The following OXR1 variants were observed in gnomAD, a reference collection of about 807,000 sequenced individuals.
OXR1 encodes the protein oxidation resistance 1.
A neutral mutation model predicts 104.6 loss-of-function variants in OXR1; 41 were observed. The observed-to-expected ratio is 0.39, with a 90% CI of 0.31 to 0.51. OXR1 has a LOEUF of 0.51. OXR1 is among the 20% of genes least tolerant of loss of function. OXR1 has a pLI of 0.77. For missense variants in OXR1, 955 were observed against 1,031.9 expected (o/e 0.93, Z 1.02); for synonymous variants, 348 against 348.4 (o/e 1.00, Z 0.01).
intron 3 of OXR1, among the ~76,000 whole-genome samples, chr8:106,591,694 A>G (rs969984363): frequency 1.3e-5 from 2 of 151,866 alleles, no homozygotes; most frequent in African/African-American, 2.4e-5. Flanking sequence ...TACCCACCCA[A>G]TTATTGGGGG....
intron 3 of OXR1, among the ~76,000 whole-genome samples, chr8:106,586,531 G>C (rs766729838): frequency 6.6e-6 from 1 of 152,164 alleles, no homozygotes; most frequent in African/African-American, 2.4e-5. Flanking sequence ...AAACTAGCTG[G>C]CTATTTGAAT....
chr8:106,430,434 C>A (rs919051452), intron 2 of OXR1, among the ~76,000 whole-genome samples: 2 of 152,100 alleles, frequency 1.3e-5, no homozygotes, highest in African/African-American at 4.8e-5. Context: ...TTAACAGCTG[C>A]CTCAGGAAGA....
chr8:106,531,313 A>G (rs1159380944), intron 3 of OXR1, among the ~76,000 whole-genome samples: 1 of 152,216 alleles, frequency 6.6e-6, no homozygotes, highest in African/African-American at 2.4e-5. Context: ...AAACCCTCTT[A>G]GTATGAGAAA....
At chr8:106,338,231 A>G (rs1180743668) in intron 1 of OXR1, among the ~76,000 whole-genome samples, 1 of 152,104 alleles carries the variant, frequency 6.6e-6, no homozygotes, top group Non-Finnish European at 1.5e-5. Context: ...ATTCTATTCT[A>G]TCCGAATCAG....
At chr8:106,620,006 A>G (rs1017004632) in intron 3 of OXR1, among the ~76,000 whole-genome samples, 1 of 152,128 alleles carries the variant, frequency 6.6e-6, no homozygotes, top group Non-Finnish European at 1.5e-5. Context: ...CTACAAGTGG[A>G]TCTGCTGTCT....
At position 106,692,768 on chromosome 8, in the gene OXR1, C is replaced by A; in HGVS notation, c.566C>A (p.Thr189Asn). Residue 189 changes from threonine to asparagine, a missense_variant, in exon 7 of 17, where the codon ACT (threonine) becomes AAT (asparagine). By Grantham distance (65) the Thr-to-Asn change is moderately conservative. Coordinates refer to ENST00000517566, the MANE Select transcript of OXR1 (RefSeq NM_001198533.2). The part of the protein sequence containing the change: ...VHPTEATPSS[T>N]FTGIRPARVV... Reference sequence around the variant, plus strand: ...CCAACAGAAGCAACTCCCTCATCTACTTTCACTGGTATTCGACCTGCACGA... The same window carrying A: ...CCAACAGAAGCAACTCCCTCATCTAATTTCACTGGTATTCGACCTGCACGA... 6.3e-7 allele frequency: 1 copy of A among 1,578,648 alleles called. No homozygotes were observed. Among genetic ancestry groups the A allele is most frequent in the Non-Finnish European group, 8.6e-7 (1 of 1,159,630 alleles).
chr8:106,529,888 A>G (rs1331284209), intron 3 of OXR1, among the ~76,000 whole-genome samples: 1 of 152,210 alleles, frequency 6.6e-6, no homozygotes, highest in South Asian at 2.1e-4. Flanking sequence ...TTTATGGAAT[A>G]ATTAAAATGG....
intron 3 of OXR1, among the ~76,000 whole-genome samples, chr8:106,670,954 A>C (rs1022103480): frequency 6.7e-6 from 1 of 149,428 alleles, no homozygotes; most frequent in Non-Finnish European, 1.5e-5. Context: ...CTGAGGCACA[A>C]GAATTGCTTG....
chr8:106,281,253 G>T (rs942136513), intron 1 of OXR1, among the ~76,000 whole-genome samples: 1 of 152,142 alleles, frequency 6.6e-6, no homozygotes, highest in Non-Finnish European at 1.5e-5. Flanking sequence ...TGGACTCAGA[G>T]AACTCAAAAG....
At chr8:106,554,134 C>A (rs1458160553) in intron 3 of OXR1, among the ~76,000 whole-genome samples, 1 of 152,146 alleles carries the variant, frequency 6.6e-6, no homozygotes, top group Non-Finnish European at 1.5e-5. Context: ...ATTAGAGTCA[C>A]CTGGAGAATT....
chr8:106,689,993 T>C (rs915222918), intron 6 of OXR1, among the ~76,000 whole-genome samples: 1 of 151,544 alleles, frequency 6.6e-6, no homozygotes, highest in Non-Finnish European at 1.5e-5. Context: ...CTCTCTTTTC[T>C]CTCTGTGCAT....
intron 2 of OXR1, among the ~76,000 whole-genome samples, chr8:106,498,554 T>C (rs555187629): frequency 1.3e-5 from 2 of 152,336 alleles, no homozygotes; most frequent in African/African-American, 2.4e-5. Flanking sequence ...ATGTGTTTTA[T>C]TTAAGAGACT....
chr8:106,596,332 G>A (rs1479413742), intron 3 of OXR1, among the ~76,000 whole-genome samples: 1 of 152,060 alleles, frequency 6.6e-6, no homozygotes, highest in Non-Finnish European at 1.5e-5. Flanking sequence ...TGTAATCCCT[G>A]CTACTTGGGA....
At chr8:106,377,639 G>T (rs1310202284) in intron 2 of OXR1, among the ~76,000 whole-genome samples, 1 of 152,170 alleles carries the variant, frequency 6.6e-6, no homozygotes, top group African/African-American at 2.4e-5. Context: ...ATATTTCAGA[G>T]GGATATACAG....
At chr8:106,304,742 T>C (rs895519188) in intron 1 of OXR1, among the ~76,000 whole-genome samples, 2 of 152,168 alleles carry the variant, frequency 1.3e-5, no homozygotes, top group African/African-American at 4.8e-5. Context: ...TTTTAAGGGC[T>C]CAGTAGCCAC....
chr8:106,549,407 A>G (rs189425241), intron 3 of OXR1, among the ~76,000 whole-genome samples: 6 of 152,328 alleles, frequency 3.9e-5, no homozygotes, highest in African/African-American at 1.2e-4. Flanking sequence ...GTGAATAAAT[A>G]TTGAATATTA....
intron 3 of OXR1, among the ~76,000 whole-genome samples, chr8:106,631,662 G>A (rs748337445): frequency 4.6e-5 from 7 of 152,058 alleles, no homozygotes; most frequent in Non-Finnish European, 7.4e-5. Flanking sequence ...TTCTGTTACC[G>A]TATTTATTTC....
At chr8:106,503,510 C>A (rs1418629202) in intron 2 of OXR1, among the ~76,000 whole-genome samples, 2 of 152,168 alleles carry the variant, frequency 1.3e-5, no homozygotes, top group Non-Finnish European at 2.9e-5. Context: ...TGTCCTATCC[C>A]AACCCTTAAG....
chr8:106,333,396 A>C (rs1814805566), intron 1 of OXR1, among the ~76,000 whole-genome samples: 3 of 152,030 alleles, frequency 2.0e-5, no homozygotes, highest in African/African-American at 7.2e-5. Flanking sequence ...CTTATCAGAG[A>C]TATACTTTGG....
Sources: allele counts gnomAD v4.1 joint callset (sites outside exome capture counted in the v4.1 genomes callset), GRCh38; gene constraint gnomAD v4.1.1; transcripts MANE v1.5; gene names NCBI Gene and HGNC (gene_info 2026-07-23, HGNC 2026-07-21).